The following NGLY1 variants were observed in gnomAD, a reference collection of about 807,000 sequenced individuals.
The protein encoded by NGLY1 is N-glycanase 1, also known as peptide-N(4)-(N-acetyl-beta-glucosaminyl)asparagine amidase.
A neutral mutation model predicts 84.6 loss-of-function variants in NGLY1; 68 were observed. The ratio of observed to expected loss-of-function variants is 0.80; its 90% CI spans 0.66 to 0.98. The LOEUF (loss-of-function observed/expected upper bound fraction) is 0.98. Among genes scored for constraint, NGLY1 ranks in the 50% least tolerant of loss-of-function variants. The probability of loss-of-function intolerance (pLI) is 0.00; values close to 1 mark genes in which losing one functional copy is unlikely to be tolerated. For missense variants in NGLY1, 779 were observed against 770.2 expected, an observed-to-expected ratio of 1.01 and a Z score of -0.14; for synonymous variants, 280 against 275.2, an observed-to-expected ratio of 1.02 and a Z score of -0.17.
chr3:25,775,631 A>G (rs572696134), intron 2 of NGLY1, among the ~76,000 whole-genome samples: 2 of 152,364 alleles, frequency 1.3e-5, no homozygotes, highest in South Asian at 4.1e-4. Flanking sequence ...AAGATATTAC[A>G]AAATTAAATA....
At chr3:25,724,309 G>A (rs928790158) in intron 10 of NGLY1, among the ~76,000 whole-genome samples, 2 of 152,162 alleles carry the variant, frequency 1.3e-5, no homozygotes, top group African/African-American at 4.8e-5. Context: ...CCTGAAGTCC[G>A]TCATTCCCAC....
intron 4 of NGLY1, among the ~76,000 whole-genome samples, chr3:25,748,929 T>C (rs1363677533): frequency 6.6e-6 from 1 of 151,984 alleles, no homozygotes; most frequent in Non-Finnish European, 1.5e-5. Context: ...AAAAAGAATG[T>C]TCAAAAGACT....
At chr3:25,786,483 T>G (rs1340442875), upstream of NGLY1, among the ~76,000 whole-genome samples, 1 of 152,176 alleles carries the variant, frequency 6.6e-6, no homozygotes, top group Non-Finnish European at 1.5e-5. Flanking sequence ...TCTTTGGTTG[T>G]TTGAAACAAC....
chr3:25,738,831 T>A (rs185639704), intron 5 of NGLY1, among the ~76,000 whole-genome samples: 199 of 152,190 alleles, frequency 1.3e-3, no homozygotes, highest in South Asian at 2.7e-3. Flanking sequence ...TTAGATATTT[T>A]TAAAACGTGG....
At position 25,743,171 on chromosome 3, in the gene NGLY1, A is replaced by C. The variant is rs1009663277; in HGVS notation, c.659-3372T>G. Among the ~76,000 whole-genome samples, 4 of 152,156 alleles carry C rather than the reference A, an allele frequency of 2.6e-5. No homozygotes were observed. In the East Asian group the frequency reaches 7.7e-4, roughly 29 times the overall value. ...AAGAACAGATTCTCCCCTCCAAAAG[A>C]AGCATGGCTCTGGGGATACTTCGAT... On this transcript the variant is annotated intron_variant, in intron 4 of 11. Coordinates refer to ENST00000280700, the MANE Select transcript of NGLY1 (RefSeq NM_018297.4).
At chr3:25,765,950 C>T (rs1707546160) in intron 2 of NGLY1, among the ~76,000 whole-genome samples, 1 of 152,000 alleles carries the variant, frequency 6.6e-6, no homozygotes, top group Non-Finnish European at 1.5e-5. Flanking sequence ...AGGCTGGTCT[C>T]AAACTCCTAA....
At chr3:25,763,826 G>A (rs569721578) in intron 3 of NGLY1, among the ~76,000 whole-genome samples, 4 of 152,254 alleles carry the variant, frequency 2.6e-5, no homozygotes, top group Admixed American at 1.3e-4. Flanking sequence ...TGGTTGTGCT[G>A]TTGGAAATAA....
At chr3:25,781,877 G>T (rs1479172281) in intron 1 of NGLY1, among the ~76,000 whole-genome samples, 1 of 152,162 alleles carries the variant, frequency 6.6e-6, no homozygotes, top group Admixed American at 6.5e-5. Flanking sequence ...CTGACTAGTG[G>T]GGTTTTAAAT....
chr3:25,788,056 T>A (rs1575674388), upstream of NGLY1, among the ~76,000 whole-genome samples: 1 of 152,350 alleles, frequency 6.6e-6, no homozygotes, highest in East Asian at 1.9e-4. Context: ...TAGCACCTGT[T>A]TCAACAGTTT....
chr3:25,750,817 A>G lies in NGLY1; in HGVS notation c.658+281T>C, dbSNP rs4681032. On this transcript the variant is annotated intron_variant, in intron 4 of 11. Transcript: ENST00000280700. ...GCAAAAGGCACTACAACTGTCCCTCAGTATATGCTGGGGATTGGTTCCAGG... is the reference window on the plus strand; with the variant it reads ...GCAAAAGGCACTACAACTGTCCCTCGGTATATGCTGGGGATTGGTTCCAGG... 0.72 allele frequency among the ~76,000 whole-genome samples: 108,912 copies of G among 152,030 alleles called. 41,759 individuals are homozygous for G. Among genetic ancestry groups the G allele is most frequent in the East Asian group, 0.94 (4,873 of 5,180 alleles).
Position 25,783,225 on chromosome 3 carries a change from C to T in NGLY1, c.131+35G>A, listed in dbSNP as rs1445322083. On this transcript the variant is annotated intron_variant, in intron 1 of 11. Coordinates refer to ENST00000280700, the MANE Select transcript of NGLY1 (RefSeq NM_018297.4). This position sits in a 1 kb window ranked among gnomAD's most constrained non-coding sequence, Gnocchi z 4.5. ...GAACAAGGTGCCGCGGCCCACCCACCCCGGTACCCGCCGTCCGACCCCGTT... is the reference window on the plus strand; with the variant it reads ...GAACAAGGTGCCGCGGCCCACCCACTCCGGTACCCGCCGTCCGACCCCGTT... The T allele has an allele frequency of 1.4e-5, 22 of 1,587,434 alleles. No homozygotes were observed. The highest frequency in any genetic ancestry group is 1.6e-5 in the Non-Finnish European group (19 of 1,160,638).
In NGLY1 at chr3:25,783,442, C is replaced by T. The variant is rs570088502; in HGVS notation, c.-52G>A. The T allele has an allele frequency of 6.1e-6, 9 of 1,474,318 alleles. No individual in the cohort carries two copies. The highest frequency in any genetic ancestry group is 5.3e-5 in the Admixed American group (2 of 37,432). 91.3% of individuals were successfully genotyped at this position (1,474,318 alleles called of 1,614,324 possible). A position where few individuals can be genotyped will look rare whatever the true frequency, so the allele number is the denominator to read the frequency against. ...CGCCCCTCGCTCTCCGCGTCCCACA[C>T]TGAGCAGGCGCCTCAGCGCGCAGCA... On this transcript the variant is annotated 5_prime_UTR_variant, in exon 1 of 12. It adds an upstream start codon to the 5' untranslated region. Transcript: ENST00000280700. The surrounding 1 kb of genome is among the most constrained non-coding windows in gnomAD (Gnocchi z 4.5).
chr3:25,729,492 T>C (rs1705431248), intron 9 of NGLY1, 174 bp from the exon 10 acceptor site: 3 of 376,032 alleles, frequency 8.0e-6, no homozygotes, highest in South Asian at 1.2e-4. Context: ...TATGATGTTA[T>C]TATAACTCTA....
At chr3:25,744,796 T>A (rs1311261977) in intron 4 of NGLY1, among the ~76,000 whole-genome samples, 1 of 152,198 alleles carries the variant, frequency 6.6e-6, no homozygotes, top group Non-Finnish European at 1.5e-5. Context: ...TTCTTCTTCC[T>A]GATGTTTGGT....
chr3:25,751,193 G>A lies in NGLY1; in HGVS notation c.563C>T (p.Pro188Leu). ...NIQHVLVYEN[P>L]ALQEKALACI... The stretch of plus-strand genomic sequence containing the variant: ...AGCCAACGCTTTCTCCTGAAGAGCA[G>A]GATTTTCATAGACCAGCACATGCTG... The change falls in exon 4 of 12, where the codon CCT (proline) becomes CTT (leucine). Residue 188 changes from proline to leucine, a missense_variant. Physicochemically the swap from Pro to Leu is moderately conservative, Grantham distance 98. Transcript: ENST00000280700. The A allele has an allele frequency of 6.2e-7, 1 of 1,613,510 alleles. No individual in the cohort carries two copies. The highest frequency in any genetic ancestry group is 2.2e-5 in the East Asian group (1 of 44,832).
intron 2 of NGLY1, among the ~76,000 whole-genome samples, chr3:25,767,242 A>C (rs1375106184): frequency 6.6e-6 from 1 of 151,692 alleles, no homozygotes; most frequent in East Asian, 1.9e-4. Context: ...CAGTGAGCCG[A>C]GATCATGCTA....
chr3:25,737,817 T>G (rs1422896534), intron 5 of NGLY1, among the ~76,000 whole-genome samples: 1 of 152,192 alleles, frequency 6.6e-6, no homozygotes, highest in Non-Finnish European at 1.5e-5. Context: ...GTGCTGAGAT[T>G]ACAGGTGTGA....
chr3:25,735,816 T>G, intron 7 of NGLY1, 188 bp downstream of exon 7: 1 of 497,762 alleles, frequency 2.0e-6, no homozygotes, highest in East Asian at 3.4e-5. Context: ...AATGGTAAAC[T>G]ATGGCACATC....
At chr3:25,749,971 C>A in intron 4 of NGLY1, 1 of 604,684 alleles carries the variant, frequency 1.7e-6, no homozygotes, top group Non-Finnish European at 2.9e-6. Flanking sequence ...GAAGGAAATT[C>A]TGCAATATGT....
Sources: allele counts gnomAD v4.1 joint callset (sites outside exome capture counted in the v4.1 genomes callset), GRCh38; gene constraint gnomAD v4.1.1; non-coding constraint Gnocchi (gnomAD v3.1); transcripts MANE v1.5; gene names NCBI Gene and HGNC (gene_info 2026-07-23, HGNC 2026-07-21).